The following GPD2 variants were observed in gnomAD, a reference collection of about 807,000 sequenced individuals.
GPD2 encodes the protein glycerol-3-phosphate dehydrogenase, mitochondrial.
GPD2 carries 54 observed loss-of-function variants against 82.4 expected under a neutral mutation model. The observed-to-expected ratio is 0.66, with a 90% confidence interval of 0.53 to 0.82. GPD2 has a LOEUF of 0.82. Among genes scored for constraint, GPD2 ranks in the 40% least tolerant of loss-of-function variants. GPD2 has a pLI of 0.00. For missense variants in GPD2, 748 were observed against 896.2 expected (o/e 0.83, Z 2.11); for synonymous variants, 288 against 306.1 (o/e 0.94, Z 0.62).
chr2:156,511,539 CTT>C (rs533883583), intron 4 of GPD2, among the ~76,000 whole-genome samples: 5 of 151,578 alleles, frequency 3.3e-5, no homozygotes, highest in Admixed American at 1.3e-4. Context: ...GAATCTGTCT[CTT>C]TTTTTTTCTT....
chr2:156,468,060 G>A (rs1375599738), intron 1 of GPD2, among the ~76,000 whole-genome samples: 1 of 152,134 alleles, frequency 6.6e-6, no homozygotes, highest in Non-Finnish European at 1.5e-5. Flanking sequence ...ATCAGCATAT[G>A]TTTGGTGTGT....
the GPD2 span, among the ~76,000 whole-genome samples, chr2:156,429,785 A>G: frequency 5.9e-5 from 9 of 152,220 alleles, no homozygotes; most frequent in Non-Finnish European, 1.0e-4. Flanking sequence ...TTAGATGTCT[A>G]TAACTCTGCT....
chr2:156,422,607 G>A, the GPD2 span, among the ~76,000 whole-genome samples: 1 of 151,980 alleles, frequency 6.6e-6, no homozygotes, highest in African/African-American at 2.4e-5. Flanking sequence ...GCAGGCACCT[G>A]TAGTCCCAGC....
chr2:156,449,777 G>A (rs1256101815), intron 1 of GPD2, among the ~76,000 whole-genome samples: 2 of 150,068 alleles, frequency 1.3e-5, no homozygotes, highest in Non-Finnish European at 1.5e-5. Context: ...TTGGGAGGCT[G>A]AGGCGGGTGA....
chr2:156,451,952 G>A (rs973120233), intron 1 of GPD2, among the ~76,000 whole-genome samples: 17 of 151,094 alleles, frequency 1.1e-4, no homozygotes, highest in Non-Finnish European at 2.4e-4. Flanking sequence ...TCACATCCCA[G>A]ACGGGGCGGC....
In GPD2 at chr2:156,571,170, G is replaced by C; in HGVS notation, c.1645G>C (p.Val549Leu). The change falls in exon 13 of 17, where the codon GTG becomes CTG. Residue 549 changes from valine to leucine, a missense_variant. By Grantham distance (32) the Val-to-Leu change is conservative (BLOSUM62 1). Transcript: ENST00000438166. ...GATTAAGGAGTATGCCTGCACTGCTGTGGATATGATTTCACGTCGTACTCG... is the reference window on the plus strand; with the variant it reads ...GATTAAGGAGTATGCCTGCACTGCTCTGGATATGATTTCACGTCGTACTCG... The part of the protein sequence containing the change: ...YGIKEYACTA[V>L]DMISRRTRLA... The C allele has an allele frequency of 6.2e-7, 1 of 1,611,196 alleles. No homozygotes were observed. Among genetic ancestry groups the C allele is most frequent in the Non-Finnish European group, 8.5e-7 (1 of 1,177,388 alleles).
At chr2:156,414,463 T>C in the GPD2 span, among the ~76,000 whole-genome samples, 1 of 152,208 alleles carries the variant, frequency 6.6e-6, no homozygotes, top group South Asian at 2.1e-4. Context: ...GTCGGTTATC[T>C]GAAAGGATTC....
At chr2:156,411,660 T>C in the GPD2 span, among the ~76,000 whole-genome samples, 26 of 152,250 alleles carry the variant, frequency 1.7e-4, no homozygotes, top group African/African-American at 4.8e-4. Flanking sequence ...GCAATGAGAA[T>C]TTCTAGCAGT....
At chr2:156,410,597 C>T in the GPD2 span, among the ~76,000 whole-genome samples, 1 of 152,158 alleles carries the variant, frequency 6.6e-6, no homozygotes, top group Non-Finnish European at 1.5e-5. Context: ...TCTTGAACTC[C>T]TAGACTCAAG....
At chr2:156,487,580 C>T (rs1207676046) in intron 2 of GPD2, among the ~76,000 whole-genome samples, 1 of 152,168 alleles carries the variant, frequency 6.6e-6, no homozygotes, top group Non-Finnish European at 1.5e-5. Context: ...ATTACTTGCT[C>T]AAGGGATAAC....
intron 2 of GPD2, among the ~76,000 whole-genome samples, chr2:156,482,365 T>C (rs935971123): frequency 2.0e-5 from 3 of 152,212 alleles, no homozygotes; most frequent in Non-Finnish European, 4.4e-5. Context: ...GTTCCTTGAA[T>C]TTCCCACTGT....
chr2:156,554,543 A>G (rs1353926532), intron 8 of GPD2, among the ~76,000 whole-genome samples: 1 of 152,210 alleles, frequency 6.6e-6, no homozygotes, highest in Non-Finnish European at 1.5e-5. Context: ...GAATTATCTT[A>G]CACCATGATA....
At chr2:156,507,528 T>C (rs907482477) in intron 3 of GPD2, among the ~76,000 whole-genome samples, 10 of 152,058 alleles carry the variant, frequency 6.6e-5, no homozygotes, top group African/African-American at 2.4e-4. Context: ...TTTGTCATGA[T>C]GTCTAGGCTG....
chr2:156,402,929 A>G, the GPD2 span, among the ~76,000 whole-genome samples: 1 of 152,166 alleles, frequency 6.6e-6, no homozygotes, highest in East Asian at 1.9e-4. Flanking sequence ...CGTGTAACCT[A>G]ACAAACAAAG....
rs1686543034 is a variant in GPD2 at position 156,546,507 on chromosome 2, AG to A, written c.662-3097del. 8.5e-5 allele frequency among the ~76,000 whole-genome samples: 13 copies of A among 152,286 alleles called. 1 individual carries two copies. The South Asian group carries it at 2.7e-3, about 32-fold the overall frequency. ...GTGAGCATCTGGGTATCTCAGGGTA[AG>A]GGGTAAGGGGTAGGGGAGGAGGAGG... is the stretch of plus-strand genomic sequence containing the variant. On this transcript the variant is annotated intron_variant, in intron 6 of 16. Coordinates refer to ENST00000438166, the MANE Select transcript of GPD2 (RefSeq NM_000408.5).
intron 1 of GPD2, among the ~76,000 whole-genome samples, chr2:156,451,997 G>T (rs1682619381): frequency 6.6e-6 from 1 of 151,900 alleles, no homozygotes; most frequent in Admixed American, 6.5e-5. Flanking sequence ...CAGACGATGG[G>T]CGGCCGGGCA....
At chr2:156,451,716 C>T (rs529512301) in intron 1 of GPD2, among the ~76,000 whole-genome samples, 424 of 147,648 alleles carry the variant, frequency 2.9e-3, no homozygotes, top group Non-Finnish European at 4.6e-3. Context: ...ACCTCCCTCC[C>T]GGACGGGGCG....
chr2:156,495,971 T>G, intron 2 of GPD2, 73 bp from the exon 3 acceptor site: 1 of 1,113,794 alleles, frequency 9.0e-7, no homozygotes, highest in Admixed American at 1.8e-5. Context: ...AGAAATTTCC[T>G]TTTAGTATAT....
At chr2:156,459,029 A>G (rs1242549706) in intron 1 of GPD2, among the ~76,000 whole-genome samples, 1 of 151,434 alleles carries the variant, frequency 6.6e-6, no homozygotes, top group Non-Finnish European at 1.5e-5. Flanking sequence ...ATATATATAC[A>G]CACACACAAA....
Sources: gnomAD v4.1 joint callset for allele counts (sites outside exome capture counted in the v4.1 genomes callset) on GRCh38, gnomAD v4.1.1 for gene constraint, MANE v1.5 for transcripts, NCBI Gene and HGNC (gene_info 2026-07-23, HGNC 2026-07-21) for gene names.